Variants in USP25 observed in about 807,000 individuals in gnomAD.
USP25 encodes ubiquitin carboxyl-terminal hydrolase 25.
A neutral mutation model predicts 158.5 loss-of-function variants in USP25; 85 were observed. That is an observed-to-expected ratio of 0.54 (90% CI 0.45 to 0.64). The LOEUF (loss-of-function observed/expected upper bound fraction) is 0.64, where lower values mean the gene tolerates loss of function less well. USP25 is among the 30% of genes least tolerant of loss of function. The pLI is 0.00. For synonymous variants in USP25, 464 were observed against 460.4 expected, an observed-to-expected ratio of 1.01 and a Z score of -0.10; for missense variants, 1,242 against 1,327.3, an observed-to-expected ratio of 0.94 and a Z score of 1.00.
intron 14 of USP25, 42 bp from the exon 15 acceptor site, chr21:15,830,489 C>T: frequency 6.6e-7 from 1 of 1,517,410 alleles, no homozygotes; most frequent in Non-Finnish European, 9.0e-7. Flanking sequence ...TAAGTAGAAA[C>T]ACATTTGCTG....
chr21:15,748,998 AT>A (rs1181372329), intron 1 of USP25, among the ~76,000 whole-genome samples: 1 of 151,526 alleles, frequency 6.6e-6, no homozygotes, highest in Non-Finnish European at 1.5e-5. Context: ...TGTAACAGAT[AT>A]GCTCTCAAGT....
chr21:15,864,324 A>G lies in USP25; in HGVS notation c.2604A>G (p.Pro868=), dbSNP rs1199516112. 3.7e-6 allele frequency: 6 copies of G among 1,612,940 alleles called. No individual in the cohort carries two copies. Among genetic ancestry groups the G allele is most frequent in the South Asian group, 1.1e-5 (1 of 90,622 alleles). ...AGTTGGCCCAAGAAGACACCCCACC[A>G]GAAACCGATTATCGTTTACATCATG... The part of the protein sequence containing the change: ...LVKLAQEDTP[P]ETDYRLHHVV... The change falls in exon 21 of 26, where the codon CCA becomes CCG. Residue 868 remains proline, a synonymous_variant. Transcript: ENST00000400183.
rs527764531 is a variant in USP25 at position 15,791,558 on chromosome 21, A to C, written c.449A>C (p.Glu150Ala). 2.7e-5 allele frequency: 43 copies of C among 1,611,528 alleles called. No homozygotes were observed. Among genetic ancestry groups the C allele is most frequent in the Non-Finnish European group, 3.4e-5 (40 of 1,178,412 alleles). Residue 150 changes from glutamate (E) to alanine (A), a missense_variant, in exon 5 of 26, where the codon GAA becomes GCA. This residue lies in a region of USP25 where 627 missense variants were observed against 701.4 expected (regional missense o/e 0.89). Transcript: ENST00000400183. ...NKACLKRTPT[E>A]VWRDSRNPYD... ...GCATGTTTGAAGAGGACACCTACAGAAGTTTGGAGGGATTCTCGAAACCCT... is the reference window on the plus strand; with the variant it reads ...GCATGTTTGAAGAGGACACCTACAGCAGTTTGGAGGGATTCTCGAAACCCT...
At chr21:15,870,249 T>G (rs2039829033) in intron 23 of USP25, 102 bp downstream of exon 23, 3 of 730,760 alleles carry the variant, frequency 4.1e-6, no homozygotes, top group Non-Finnish European at 6.5e-6. Flanking sequence ...TACTCTGTAT[T>G]TTTAATAAAT....
At chr21:15,868,104 G>A (rs577262102) in intron 22 of USP25, among the ~76,000 whole-genome samples, 103 of 152,216 alleles carry the variant, frequency 6.8e-4, no homozygotes, top group Non-Finnish European at 1.2e-3. Flanking sequence ...ATGGTTCTGG[G>A]AAATAAATAA....
At chr21:15,808,063 T>G (rs963009562) in intron 7 of USP25, among the ~76,000 whole-genome samples, 10 of 151,484 alleles carry the variant, frequency 6.6e-5, no homozygotes, top group African/African-American at 2.2e-4. Flanking sequence ...GTTTTGTATT[T>G]GGGGCTATTT....
In USP25 at chr21:15,860,172, A is replaced by C. The variant is rs148776092; in HGVS notation, c.2548-4096A>C. 5.0e-3 allele frequency among the ~76,000 whole-genome samples: 764 copies of C among 151,746 alleles called. 29 individuals carry two copies. The highest frequency in any genetic ancestry group is 0.046 in the Admixed American group (704 of 15,228). On this transcript the variant is annotated intron_variant, in intron 20 of 25. Coordinates refer to ENST00000400183, the MANE Select transcript of USP25 (RefSeq NM_001283041.3). ...CCAGCTAATTTTGTTTGTTTGTTTG[A>C]GACGGAGTCTCACACTGTTTCCCAG...
rs926343421 is a variant in USP25 at position 15,856,672 on chromosome 21, C to T, written c.2547+6800C>T. ...ATTTTTAGTAGAGACAGGGTTTCAC[C>T]GTGTTAGCCAGGATGGTCTCGATCT... is the stretch of plus-strand genomic sequence containing the variant. On this transcript the variant is annotated intron_variant, in intron 20 of 25. Transcript: ENST00000400183. Among the ~76,000 whole-genome samples, 8 of 152,192 alleles carry T rather than the reference C, an allele frequency of 5.3e-5. No individual in the cohort carries two copies. In the East Asian group the frequency reaches 1.4e-3, roughly 26 times the overall value.
chr21:15,776,020 C>T (rs552747650), intron 3 of USP25, among the ~76,000 whole-genome samples: 1 of 152,218 alleles, frequency 6.6e-6, no homozygotes, highest in East Asian at 1.9e-4. Context: ...CCTTTCTCTA[C>T]TTAGACCTAA....
intron 20 of USP25, among the ~76,000 whole-genome samples, chr21:15,853,522 G>T (rs750577950): frequency 3.3e-5 from 5 of 151,720 alleles, no homozygotes; most frequent in Non-Finnish European, 7.4e-5. Flanking sequence ...TAGTATGTTC[G>T]TTTTCCTACT....
intron 4 of USP25, among the ~76,000 whole-genome samples, chr21:15,785,188 T>C (rs1415549696): frequency 6.6e-6 from 1 of 151,770 alleles, no homozygotes; most frequent in Non-Finnish European, 1.5e-5. Flanking sequence ...AAATAATCAA[T>C]TCACCAAGAA....
intron 22 of USP25, among the ~76,000 whole-genome samples, chr21:15,868,095 TG>T (rs1277602472): frequency 3.9e-5 from 6 of 152,180 alleles, no homozygotes; most frequent in Admixed American, 6.5e-5. Flanking sequence ...TTTTAATAAA[TG>T]GTTCTGGGAA....
At chr21:15,835,758 C>G (rs2038036156) in intron 17 of USP25, among the ~76,000 whole-genome samples, 1 of 152,084 alleles carries the variant, frequency 6.6e-6, no homozygotes. Context: ...ACATTGTATC[C>G]TCCATAGACT....
chr21:15,830,811 C>T (rs1379481403), intron 15 of USP25, among the ~76,000 whole-genome samples: 1 of 152,056 alleles, frequency 6.6e-6, no homozygotes, highest in African/African-American at 2.4e-5. Context: ...TAACAAAATT[C>T]ATGACAAGTT....
intron 3 of USP25, among the ~76,000 whole-genome samples, chr21:15,768,985 A>G (rs2034195213): frequency 2.0e-5 from 3 of 152,086 alleles, no homozygotes; most frequent in African/African-American, 7.2e-5. Flanking sequence ...CTCTTTGTTG[A>G]TATTAGCTGG....
intron 20 of USP25, among the ~76,000 whole-genome samples, chr21:15,860,296 G>A (rs1343131717): frequency 6.6e-6 from 1 of 152,096 alleles, no homozygotes; most frequent in African/African-American, 2.4e-5. Context: ...GGGATTACAG[G>A]CGCCCATCAC....
chr21:15,759,012 C>G (rs1163629140), intron 1 of USP25, among the ~76,000 whole-genome samples: 3 of 151,958 alleles, frequency 2.0e-5, no homozygotes, highest in African/African-American at 7.3e-5. Context: ...GACTGATTTC[C>G]TTGGGTACTA....
chr21:15,830,716 C>T (rs192969837), intron 15 of USP25, 115 bp downstream of exon 15: 49 of 837,036 alleles, frequency 5.9e-5, no homozygotes, highest in Middle Eastern at 7.7e-4. Flanking sequence ...AAAATTTTGG[C>T]AAATCTTATT....
intron 1 of USP25, among the ~76,000 whole-genome samples, chr21:15,753,990 A>G (rs903734351): frequency 2.0e-5 from 3 of 152,218 alleles, no homozygotes; most frequent in African/African-American, 7.2e-5. Context: ...TCTTGTGTAG[A>G]TAAAAAGTCA....
Sources: allele counts gnomAD v4.1 joint callset (sites outside exome capture counted in the v4.1 genomes callset), GRCh38; gene constraint gnomAD v4.1.1; regional missense constraint gnomAD v4.1.1; transcripts MANE v1.5; gene names NCBI Gene and HGNC (gene_info 2026-07-23, HGNC 2026-07-21).